The following ASIC2 variants were observed in gnomAD, a reference collection of about 807,000 sequenced individuals.
ASIC2 encodes the protein acid sensing ion channel subunit 2.
In ASIC2, 25 loss-of-function variants were observed where a neutral mutation model predicts 57.3. That is an observed-to-expected ratio of 0.44 (90% CI 0.32 to 0.61). ASIC2 has a LOEUF of 0.61. Among genes scored for constraint, ASIC2 ranks in the 20% least tolerant of loss-of-function variants. The probability of loss-of-function intolerance (pLI) is 0.06; values close to 1 mark genes in which losing one functional copy is unlikely to be tolerated. For missense variants in ASIC2, 641 were observed against 738.1 expected (o/e 0.87, Z 1.52); for synonymous variants, 319 against 307.5 (o/e 1.04, Z -0.39).
chr17:33,195,884 T>A (rs1906606706), intron 1 of ASIC2, among the ~76,000 whole-genome samples: 1 of 152,094 alleles, frequency 6.6e-6, no homozygotes, highest in African/African-American at 2.4e-5. Flanking sequence ...GTTGGGTGAG[T>A]CTGGATCATC....
In ASIC2 at chr17:33,499,595, A is replaced by C. The variant is rs530005414; in HGVS notation, c.556-387528T>G. ...ACTTTGTCCTCCAGAACTGTGAGAC[A>C]ATATGTTTCTGTTGTTGAAGCCACC... On this transcript the variant is annotated intron_variant, in intron 1 of 9. Transcript: ENST00000359872. 2.0e-5 allele frequency among the ~76,000 whole-genome samples: 3 copies of C among 152,334 alleles called. No individual in the cohort carries two copies. The South Asian group carries it at 6.2e-4, about 32-fold the overall frequency.
At chr17:33,783,518 G>A (rs1911518734) in intron 1 of ASIC2, among the ~76,000 whole-genome samples, 1 of 152,188 alleles carries the variant, frequency 6.6e-6, no homozygotes, top group African/African-American at 2.4e-5. Context: ...GTGAATAAAT[G>A]AGCATTGGCA....
rs985422766 is a variant in ASIC2 at position 33,667,049 on chromosome 17, C to G, written c.555+488929G>C. On this transcript the variant is annotated intron_variant, in intron 1 of 9. Coordinates refer to the ASIC2 transcript ENST00000359872. The stretch of plus-strand genomic sequence containing the variant: ...CTGGCACCCCTTGTTATGGCTTAAA[C>G]AGGTGGACTATGGGACTTAGTCAGA... Among the ~76,000 whole-genome samples, 3 of 152,252 alleles carry G rather than the reference C, an allele frequency of 2.0e-5. No individual in the cohort carries two copies. The East Asian group carries it at 5.8e-4, about 29-fold the overall frequency.
At chr17:33,500,070 G>C (rs1914055231) in intron 1 of ASIC2, among the ~76,000 whole-genome samples, 1 of 152,044 alleles carries the variant, frequency 6.6e-6, no homozygotes, top group African/African-American at 2.4e-5. Context: ...CGGGGAAAAG[G>C]ATTTCCTAGA....
intron 3 of ASIC2, among the ~76,000 whole-genome samples, chr17:33,036,624 G>C (rs1235792923): frequency 6.6e-6 from 1 of 151,792 alleles, no homozygotes; most frequent in Non-Finnish European, 1.5e-5. Flanking sequence ...TTTTGGTAGA[G>C]ATGGAGTGTT....
At chr17:33,054,573 G>C (rs567806983) in intron 3 of ASIC2, among the ~76,000 whole-genome samples, 1 of 152,148 alleles carries the variant, frequency 6.6e-6, no homozygotes, top group South Asian at 2.1e-4. Context: ...CTGTCCTTGG[G>C]GGTGCATGTG....
At chr17:33,708,185 C>G (rs1339052178) in intron 1 of ASIC2, among the ~76,000 whole-genome samples, 1 of 152,198 alleles carries the variant, frequency 6.6e-6, no homozygotes, top group Non-Finnish European at 1.5e-5. Context: ...TAAGCTCCAT[C>G]CACACCTTAA....
intron 1 of ASIC2, among the ~76,000 whole-genome samples, chr17:33,941,969 A>T (rs554092619): frequency 6.6e-6 from 1 of 152,288 alleles, no homozygotes; most frequent in South Asian, 2.1e-4. Context: ...TATATAACAC[A>T]ACATTCCCAC....
chr17:33,904,332 A>G (rs1915300779), intron 1 of ASIC2, among the ~76,000 whole-genome samples: 1 of 152,118 alleles, frequency 6.6e-6, no homozygotes, highest in South Asian at 2.1e-4. Context: ...CAGGAGCTAC[A>G]ATGTAACAAG....
intron 1 of ASIC2, among the ~76,000 whole-genome samples, chr17:33,455,936 G>A (rs1238094642): frequency 6.6e-6 from 1 of 152,184 alleles, no homozygotes; most frequent in African/African-American, 2.4e-5. Flanking sequence ...GTCCAATGGT[G>A]TCATTTTTAA....
At chr17:33,168,311 G>A (rs529906482) in intron 1 of ASIC2, among the ~76,000 whole-genome samples, 22 of 152,322 alleles carry the variant, frequency 1.4e-4, no homozygotes, top group African/African-American at 5.1e-4. Context: ...AAATATGGAC[G>A]TGGCTTTGGA....
chr17:33,946,568 C>G (rs34157010), intron 1 of ASIC2, among the ~76,000 whole-genome samples: 41,949 of 152,094 alleles, frequency 0.28, 6,196 homozygotes, highest in South Asian at 0.37. Flanking sequence ...AATGCTGTGA[C>G]TTCATATAGA....
intron 1 of ASIC2, among the ~76,000 whole-genome samples, chr17:33,881,699 T>A (rs768929288): frequency 4.6e-5 from 7 of 152,166 alleles, no homozygotes; most frequent in African/African-American, 1.4e-4. Flanking sequence ...AGGTAATTTA[T>A]AGATTCAATG....
chr17:33,175,724 C>G (rs1905729290), intron 1 of ASIC2, among the ~76,000 whole-genome samples: 1 of 152,110 alleles, frequency 6.6e-6, no homozygotes, highest in Admixed American at 6.5e-5. Context: ...CCGCTCACTC[C>G]TCTCCCTCCT....
chr17:34,101,039 G>T (rs1046506121), intron 1 of ASIC2, among the ~76,000 whole-genome samples: 4 of 152,180 alleles, frequency 2.6e-5, no homozygotes, highest in Non-Finnish European at 4.4e-5. Flanking sequence ...AGGATAAAAT[G>T]AGTTAATTCT....
rs1264587403 is a variant in ASIC2, at chr17:34,084,398, A to G, written c.555+71580T>C. Among the ~76,000 whole-genome samples the G allele has an allele frequency of 2.9e-3, 439 of 152,276 alleles. 1 individual carries two copies. The highest frequency in any genetic ancestry group is 9.9e-3 in the African/African-American group (412 of 41,576). On this transcript the variant is annotated intron_variant, in intron 1 of 9. Coordinates refer to the ASIC2 transcript ENST00000359872. Reference sequence around the variant, plus strand: ...CTGAGGGCTCTGTTCTGTTCCATTGATCTATATCTCTGTTTTGGTACCAGT... The same window carrying G: ...CTGAGGGCTCTGTTCTGTTCCATTGGTCTATATCTCTGTTTTGGTACCAGT...
intron 1 of ASIC2, chr17:33,581,346 C>T (rs1469489071): frequency 1.3e-5 from 2 of 152,122 alleles, no homozygotes; most frequent in Non-Finnish European, 2.9e-5. Context: ...CTGAGTGATC[C>T]GGAAGTGGAT....
At chr17:33,660,833 T>C (rs191126295) in intron 1 of ASIC2, among the ~76,000 whole-genome samples, 2 of 152,320 alleles carry the variant, frequency 1.3e-5, no homozygotes, top group Admixed American at 1.3e-4. Flanking sequence ...CCCATGACTG[T>C]ATTCCTGAAC....
intron 1 of ASIC2, among the ~76,000 whole-genome samples, chr17:34,016,016 C>A (rs1017466650): frequency 6.6e-6 from 1 of 152,178 alleles, no homozygotes; most frequent in East Asian, 1.9e-4. Flanking sequence ...ATAAATGTAC[C>A]TCTCAAAACA....
Sources: gnomAD v4.1 joint callset for allele counts (sites outside exome capture counted in the v4.1 genomes callset) on GRCh38, gnomAD v4.1.1 for gene constraint, MANE v1.5 for transcripts, NCBI Gene and HGNC (gene_info 2026-07-23, HGNC 2026-07-21) for gene names.